Variants in CNTLN observed in about 807,000 individuals in gnomAD.
CNTLN encodes centlein, centrosomal protein.
In CNTLN, 212 loss-of-function variants were observed where a neutral mutation model predicts 180.0. The ratio of observed to expected loss-of-function variants is 1.18; its 90% CI spans 1.05 to 1.32. The LOEUF (loss-of-function observed/expected upper bound fraction) is 1.32. Ranked by LOEUF, CNTLN falls within the 40% of genes most tolerant of loss-of-function variation. The pLI is 0.00. For synonymous variants in CNTLN, 722 were observed against 563.1 expected, an observed-to-expected ratio of 1.28 and a Z score of -3.99; for missense variants, 2,095 against 1,610.9, an observed-to-expected ratio of 1.30 and a Z score of -5.14.
chr9:17,508,011 T>C (rs545256983), downstream of CNTLN, among the ~76,000 whole-genome samples: 53 of 152,312 alleles, frequency 3.5e-4, no homozygotes, highest in African/African-American at 1.1e-3. Context: ...TCTTTGTTAA[T>C]GCTGACCCTA....
At chr9:17,215,560 C>T (rs565116306) in intron 2 of CNTLN, among the ~76,000 whole-genome samples, 10 of 152,322 alleles carry the variant, frequency 6.6e-5, no homozygotes, top group South Asian at 2.1e-4. Context: ...ACTGGGAGAA[C>T]GACTGCTCTC....
intron 2 of CNTLN, among the ~76,000 whole-genome samples, chr9:17,151,332 G>T (rs191749056): frequency 7.9e-5 from 12 of 152,276 alleles, no homozygotes; most frequent in African/African-American, 2.6e-4. Context: ...TTGATACCTA[G>T]TTTATTGAGA....
At chr9:17,338,188 G>T (rs10963042) in intron 10 of CNTLN, among the ~76,000 whole-genome samples, 1 of 147,500 alleles carries the variant, frequency 6.8e-6, no homozygotes, top group African/African-American at 2.5e-5. Flanking sequence ...TTGACAGAGT[G>T]TCTCTCTGTC....
intron 2 of CNTLN, among the ~76,000 whole-genome samples, chr9:17,199,327 T>G (rs906144779): frequency 2.7e-5 from 4 of 146,800 alleles, no homozygotes; most frequent in African/African-American, 9.9e-5. Context: ...TTCTCCTGCC[T>G]CAGCCTCCTG....
chr9:17,156,508 C>G (rs189723799), intron 2 of CNTLN, among the ~76,000 whole-genome samples: 32 of 152,074 alleles, frequency 2.1e-4, no homozygotes, highest in Admixed American at 5.2e-4. Context: ...TTCTCTTACT[C>G]TTTTTTTCCT....
intron 25 of CNTLN, 127 bp from the exon 26 acceptor site, chr9:17,502,424 C>A: frequency 2.0e-6 from 1 of 493,964 alleles, no homozygotes. Flanking sequence ...AAAAGAGATC[C>A]AGTAGGGTAC....
intron 18 of CNTLN, among the ~76,000 whole-genome samples, chr9:17,441,275 A>G (rs1021960694): frequency 1.3e-5 from 2 of 152,242 alleles, no homozygotes; most frequent in African/African-American, 2.4e-5. Flanking sequence ...ATGTGAAAGT[A>G]TAAAGGTCAC....
At position 17,182,612 on chromosome 9, in the gene CNTLN, C is replaced by T. The variant is rs193191763; in HGVS notation, c.449+39236C>T. 2.4e-3 allele frequency among the ~76,000 whole-genome samples: 365 copies of T among 152,226 alleles called. 2 individuals are homozygous for T. Among genetic ancestry groups the T allele is most frequent in the African/African-American group, 8.4e-3 (349 of 41,518 alleles). On this transcript the variant is annotated intron_variant, in intron 2 of 25. Coordinates refer to ENST00000380647, the MANE Select transcript of CNTLN (RefSeq NM_017738.4). ...GAGTTAATTGAAGTAGGTAACTTGA[C>T]ATTGTTGACATTTGCTCTTTAGAGT...
intron 2 of CNTLN, among the ~76,000 whole-genome samples, chr9:17,156,660 C>A (rs981276892): frequency 2.0e-5 from 3 of 152,028 alleles, no homozygotes; most frequent in Non-Finnish European, 4.4e-5. Flanking sequence ...CAAAAATAAT[C>A]TTTTTAGATG....
intron 2 of CNTLN, among the ~76,000 whole-genome samples, chr9:17,173,299 T>G (rs1286495077): frequency 1.3e-5 from 2 of 152,216 alleles, no homozygotes; most frequent in African/African-American, 4.8e-5. Context: ...GGTATACATT[T>G]TCTTAATCAC....
chr9:17,268,613 T>C (rs929614511), intron 5 of CNTLN, among the ~76,000 whole-genome samples: 2 of 152,142 alleles, frequency 1.3e-5, no homozygotes, highest in African/African-American at 4.8e-5. Context: ...GCTGTCTTTT[T>C]GTTTGTCTGT....
downstream of CNTLN, among the ~76,000 whole-genome samples, chr9:17,507,393 T>C (rs1564161130): frequency 6.6e-6 from 1 of 152,182 alleles, no homozygotes; most frequent in African/African-American, 2.4e-5. Context: ...CAATCCACCA[T>C]TGATAGGCAC....
At chr9:17,513,431 C>T in the CNTLN span, among the ~76,000 whole-genome samples, 6 of 152,018 alleles carry the variant, frequency 3.9e-5, no homozygotes, top group Non-Finnish European at 8.8e-5. Context: ...TGCAGTGGCT[C>T]ACGCATGTAA....
intron 18 of CNTLN, among the ~76,000 whole-genome samples, chr9:17,449,718 T>C (rs1030183870): frequency 6.6e-6 from 1 of 152,228 alleles, no homozygotes; most frequent in Non-Finnish European, 1.5e-5. Context: ...GAACAGAAGT[T>C]TAAGTGATGT....
At chr9:17,189,797 G>C (rs1821680596) in intron 2 of CNTLN, among the ~76,000 whole-genome samples, 2 of 151,958 alleles carry the variant, frequency 1.3e-5, no homozygotes, top group African/African-American at 4.8e-5. Context: ...TCACTATTAA[G>C]ATATGATCGT....
chr9:17,270,593 A>G (rs893250726), intron 5 of CNTLN, among the ~76,000 whole-genome samples: 1 of 152,156 alleles, frequency 6.6e-6, no homozygotes, highest in Admixed American at 6.6e-5. Context: ...CGTGGATAAC[A>G]GGTCATTTCA....
chr9:17,410,415 C>T (rs1336663400), intron 16 of CNTLN, among the ~76,000 whole-genome samples: 1 of 152,062 alleles, frequency 6.6e-6, no homozygotes, highest in Non-Finnish European at 1.5e-5. Flanking sequence ...CTGGCTTAGA[C>T]ATTTTTATAT....
chr9:17,514,725 G>T, the CNTLN span, among the ~76,000 whole-genome samples: 3 of 152,304 alleles, frequency 2.0e-5, no homozygotes, highest in African/African-American at 7.2e-5. Context: ...TGTCAGCCAA[G>T]CCATAGACTC....
At chr9:17,396,413 G>A (rs1477424232) in intron 15 of CNTLN, among the ~76,000 whole-genome samples, 1 of 151,976 alleles carries the variant, frequency 6.6e-6, no homozygotes, top group Non-Finnish European at 1.5e-5. Flanking sequence ...CTAGACAGTA[G>A]GGAAGTTCAG....
Sources: allele counts gnomAD v4.1 joint callset (sites outside exome capture counted in the v4.1 genomes callset), GRCh38; gene constraint gnomAD v4.1.1; transcripts MANE v1.5; gene names NCBI Gene and HGNC (gene_info 2026-07-23, HGNC 2026-07-21).